Variants in OR8G1 observed in about 807,000 individuals in gnomAD.
OR8G1 encodes olfactory receptor family 8 subfamily G member 1.
For synonymous variants in OR8G1, 129 were observed against 133.3 expected, an observed-to-expected ratio of 0.97 and a Z score of 0.22; for missense variants, 372 against 356.2, an observed-to-expected ratio of 1.04 and a Z score of -0.36.
intron 1 of OR8G1, among the ~76,000 whole-genome samples, chr11:124,247,434 T>C (rs1244373675): frequency 2.0e-5 from 3 of 151,920 alleles, no homozygotes; most frequent in Non-Finnish European, 4.4e-5. Context: ...GCAAGCATTT[T>C]CAAATTTAAA....
Position 124,252,621 on chromosome 11 carries a change from T to TA in OR8G1, c.*2012dup, listed in dbSNP as rs1861875896. 6.6e-6 allele frequency: 1 copy of TA among 152,208 alleles called. No individual in the cohort carries two copies. Among genetic ancestry groups the TA allele is most frequent in the Non-Finnish European group, 1.5e-5 (1 of 68,038 alleles). 9.4% of individuals were successfully genotyped at this position (152,208 alleles called of 1,614,324 possible). ...AGAGAATACACACTCAAATATTTAT[T>TA]AATGATTATACCAAACACCCTTGGT... is the stretch of plus-strand genomic sequence containing the variant. On this transcript the variant is annotated 3_prime_UTR_variant, in exon 3 of 3. Transcript: ENST00000641972.
rs754117052 is a variant in OR8G1, at chr11:124,252,150, A to G, written c.*1539A>G. On this transcript the variant is annotated 3_prime_UTR_variant, in exon 3 of 3. Coordinates refer to ENST00000641972, the MANE Select transcript of OR8G1 (RefSeq NM_001002905.2). ...CGGGAACTCTAAAAACATGGCATGTATAAAATTGAGCATACCAAGTAGATT... is the reference window on the plus strand; with the variant it reads ...CGGGAACTCTAAAAACATGGCATGTGTAAAATTGAGCATACCAAGTAGATT... 1.3e-5 allele frequency: 2 copies of G among 152,186 alleles called. No individual in the cohort carries two copies. Among genetic ancestry groups the G allele is most frequent in the Admixed American group, 1.3e-4 (2 of 15,264 alleles). 9.4% of individuals were successfully genotyped at this position (152,186 alleles called of 1,614,324 possible). A position where few individuals can be genotyped will look rare whatever the true frequency, so the allele number is the denominator to read the frequency against.
rs536196390 is a variant in OR8G1, at chr11:124,250,235, T to C, written c.560T>C (p.Leu187Pro). The change falls in exon 3 of 3, where the codon CTC (leucine) becomes CCC (proline). Residue 187 changes from leucine to proline, a missense_variant. Coordinates refer to ENST00000641972, the MANE Select transcript of OR8G1 (RefSeq NM_001002905.2). ...YFCDLLPLLK[L>P]SCSSIYVNKL... is the part of the protein sequence containing the mutation. ...TGTGATCTTCTTCCCCTCCTAAAGCTCTCTTGCTCTAGTATCTATGTCAAC... is the reference window on the plus strand; with the variant it reads ...TGTGATCTTCTTCCCCTCCTAAAGCCCTCTTGCTCTAGTATCTATGTCAAC... 1.2e-6 allele frequency: 2 copies of C among 1,613,732 alleles called. No individual in the cohort carries two copies. The highest frequency in any genetic ancestry group is 3.3e-5 in the Admixed American group (2 of 59,906).
In OR8G1 at chr11:124,252,451, A is replaced by C; in HGVS notation, c.*1840A>C. ...AACTCATCTCTGAAACTCAATCTGC[A>C]TTACTTTTCCATATCATCCTTATGT... On this transcript the variant is annotated 3_prime_UTR_variant, in exon 3 of 3. Transcript: ENST00000641972. 6.6e-6 allele frequency: 1 copy of C among 152,162 alleles called. No individual in the cohort carries two copies. The highest frequency in any genetic ancestry group is 1.9e-4 in the East Asian group (1 of 5,192). The allele number at this position is 152,162 out of a possible 1,614,324, so 9.4% of individuals were successfully genotyped here.
rs1450633530 is a variant in OR8G1, at chr11:124,252,534, T to C, written c.*1923T>C. 1 of 152,170 alleles carries C rather than the reference T, an allele frequency of 6.6e-6. No homozygotes were observed. Among genetic ancestry groups the C allele is most frequent in the African/African-American group, 2.4e-5 (1 of 41,436 alleles). The allele number at this position is 152,170 out of a possible 1,614,324, so 9.4% of individuals were successfully genotyped here. On this transcript the variant is annotated 3_prime_UTR_variant, in exon 3 of 3. Transcript: ENST00000641972. ...TAGCTTGCATTGCTTGTGGTAATTT[T>C]ATGATCATTTGAACGTCTACTCTGT...
Position 124,250,234 on chromosome 11 carries a change from C to T in OR8G1, c.559C>T (p.Leu187Phe). The change falls in exon 3 of 3, where the codon CTC becomes TTC. Residue 187 changes from leucine (L) to phenylalanine (F), a missense_variant. Transcript: ENST00000641972. ...YFCDLLPLLKLSCSSIYVNKL... is the reference protein window; with the variant it reads ...YFCDLLPLLKFSCSSIYVNKL... Reference sequence around the variant, plus strand: ...CTGTGATCTTCTTCCCCTCCTAAAGCTCTCTTGCTCTAGTATCTATGTCAA... The same window carrying T: ...CTGTGATCTTCTTCCCCTCCTAAAGTTCTCTTGCTCTAGTATCTATGTCAA... The T allele has an allele frequency of 6.2e-7, 1 of 1,613,704 alleles. No individual in the cohort carries two copies. Among genetic ancestry groups the T allele is most frequent in the Non-Finnish European group, 8.5e-7 (1 of 1,179,804 alleles).
At chr11:124,242,505 G>A (rs899520171) in intron 1 of OR8G1, among the ~76,000 whole-genome samples, 1 of 151,892 alleles carries the variant, frequency 6.6e-6, no homozygotes, top group Non-Finnish European at 1.5e-5. Context: ...AGTCTTATCT[G>A]TGAGAACCCG....
intron 1 of OR8G1, among the ~76,000 whole-genome samples, chr11:124,243,139 C>G (rs974193590): frequency 6.6e-6 from 1 of 151,978 alleles, no homozygotes; most frequent in African/African-American, 2.4e-5. Flanking sequence ...TCATGATGTT[C>G]AGTGACCTTA....
rs369315574 is a variant in OR8G1, at chr11:124,250,123, A to G, written c.448A>G (p.Ile150Val). 9 of 1,613,682 alleles carry G rather than the reference A, an allele frequency of 5.6e-6. No individual in the cohort carries two copies. The highest frequency in any genetic ancestry group is 5.3e-5 in the African/African-American group (4 of 74,894). ...ACFSLILGVYIIGLVCASVHT... is the reference protein window; with the variant it reads ...ACFSLILGVYVIGLVCASVHT... Reference sequence around the variant, plus strand: ...CTTTTCTCTGATTTTAGGGGTGTATATAATAGGCCTGGTTTGTGCATCAGT... The same window carrying G: ...CTTTTCTCTGATTTTAGGGGTGTATGTAATAGGCCTGGTTTGTGCATCAGT... The change falls in exon 3 of 3, where the codon ATA (isoleucine) becomes GTA (valine). Residue 150 changes from isoleucine (I) to valine (V), a missense_variant. Physicochemically the swap from Ile to Val is conservative, Grantham distance 29. Coordinates refer to ENST00000641972, the MANE Select transcript of OR8G1 (RefSeq NM_001002905.2).
intron 2 of OR8G1, among the ~76,000 whole-genome samples, chr11:124,248,142 G>A (rs1342827540): frequency 6.6e-6 from 1 of 151,626 alleles, no homozygotes; most frequent in Non-Finnish European, 1.5e-5. Flanking sequence ...ATATACTTAA[G>A]GACTATTCAT....
At chr11:124,249,636 G>GTT in intron 2 of OR8G1, 24 bp from the exon 3 acceptor site, 1 of 1,560,860 alleles carries the variant, frequency 6.4e-7, no homozygotes, top group Non-Finnish European at 8.6e-7. Flanking sequence ...GGGTTTTTTT[G>GTT]TTTTGTTTTT....
intron 2 of OR8G1, among the ~76,000 whole-genome samples, chr11:124,248,697 C>G (rs1235134828): frequency 6.6e-6 from 1 of 151,726 alleles, no homozygotes; most frequent in Non-Finnish European, 1.5e-5. Context: ...AAATGTATGC[C>G]TGTTTTTTGT....
intron 2 of OR8G1, among the ~76,000 whole-genome samples, chr11:124,248,939 C>T (rs1280117825): frequency 2.6e-5 from 4 of 151,988 alleles, no homozygotes; most frequent in South Asian, 2.1e-4. Flanking sequence ...AAGACACAAA[C>T]GGGTTATTTA....
rs922013934 is a variant in OR8G1 at position 124,254,089 on chromosome 11, A to G, written c.*3478A>G. 2 of 152,088 alleles carry G rather than the reference A, an allele frequency of 1.3e-5. No individual in the cohort carries two copies. The highest frequency in any genetic ancestry group is 2.9e-5 in the Non-Finnish European group (2 of 67,992). The allele number at this position is 152,088 out of a possible 1,614,324, so 9.4% of individuals were successfully genotyped here. Reference sequence around the variant, plus strand: ...GTATTGCTAGGTCATATGGTAGTTCAATTTTTAATTTTTTGAGGAAGCTTT... The same window carrying G: ...GTATTGCTAGGTCATATGGTAGTTCGATTTTTAATTTTTTGAGGAAGCTTT... On this transcript the variant is annotated 3_prime_UTR_variant, in exon 3 of 3. Coordinates refer to ENST00000641972, the MANE Select transcript of OR8G1 (RefSeq NM_001002905.2).
Position 124,251,463 on chromosome 11 carries a change from T to G in OR8G1, c.*852T>G. On this transcript the variant is annotated 3_prime_UTR_variant, in exon 3 of 3. Transcript: ENST00000641972. ...TTGATTAAAATTTACTTTAGAAGGT[T>G]CTTCAAGAATCTATAATATAACTGG... is the stretch of plus-strand genomic sequence containing the variant. The G allele has an allele frequency of 1.3e-6, 1 of 746,680 alleles. No individual in the cohort carries two copies. Among genetic ancestry groups the G allele is most frequent in the Non-Finnish European group, 2.0e-6 (1 of 499,990 alleles). 46.3% of individuals were successfully genotyped at this position (746,680 alleles called of 1,614,324 possible).
In OR8G1 at chr11:124,253,636, A is replaced by G. The variant is rs541321482; in HGVS notation, c.*3025A>G. 1.2e-4 allele frequency: 17 copies of G among 145,152 alleles called. No individual in the cohort carries two copies. The highest frequency in any genetic ancestry group is 3.7e-4 in the African/African-American group (15 of 40,210). 9.0% of individuals were successfully genotyped at this position (145,152 alleles called of 1,614,324 possible). A position where few individuals can be genotyped will look rare whatever the true frequency, so the allele number is the denominator to read the frequency against. ...ACTAATCCAATAGATTTTTATTACT[A>G]TAGTTACCATTTATACAATAGTTTT... On this transcript the variant is annotated 3_prime_UTR_variant, in exon 3 of 3. Transcript: ENST00000641972.
intron 1 of OR8G1, among the ~76,000 whole-genome samples, chr11:124,247,216 A>C (rs1861820383): frequency 6.6e-6 from 1 of 151,830 alleles, no homozygotes; most frequent in South Asian, 2.1e-4. Context: ...TAAAATTAAC[A>C]TACCCAAAAG....
chr11:124,245,014 T>A (rs371573502), intron 1 of OR8G1, among the ~76,000 whole-genome samples: 1 of 151,844 alleles, frequency 6.6e-6, no homozygotes, highest in Non-Finnish European at 1.5e-5. Context: ...TTTCTTTTTT[T>A]TAAATTATTA....
chr11:124,244,312 ATTTACATT>A (rs1861791252), intron 1 of OR8G1, among the ~76,000 whole-genome samples: 1 of 151,946 alleles, frequency 6.6e-6, no homozygotes, highest in Non-Finnish European at 1.5e-5. Context: ...TTATAATCAT[ATTTACATT>A]TTTACATTCA....
Sources: gnomAD v4.1 joint callset for allele counts (sites outside exome capture counted in the v4.1 genomes callset) on GRCh38, gnomAD v4.1.1 for gene constraint, MANE v1.5 for transcripts, NCBI Gene and HGNC (gene_info 2026-07-23, HGNC 2026-07-21) for gene names.